ARHGAP32: variants seen among roughly 807,000 people sequenced by gnomAD.
ARHGAP32 encodes the protein rho GTPase-activating protein 32.
In ARHGAP32, 51 loss-of-function variants were observed where a neutral mutation model predicts 186.5. The observed-to-expected ratio is 0.27, with a 90% CI of 0.22 to 0.35. The LOEUF (loss-of-function observed/expected upper bound fraction) is 0.35, where lower values mean the gene tolerates loss of function less well. Ranked by LOEUF, ARHGAP32 falls within the 10% of genes least tolerant of loss-of-function variation. ARHGAP32 has a pLI of 1.00. For missense variants in ARHGAP32, 2,186 were observed against 2,623.5 expected (o/e 0.83, Z 3.64); for synonymous variants, 950 against 964.3 (o/e 0.99, Z 0.27).
At chr11:129,135,027 C>T (rs1367213858) in intron 2 of ARHGAP32, among the ~76,000 whole-genome samples, 3 of 152,150 alleles carry the variant, frequency 2.0e-5, no homozygotes, top group Non-Finnish European at 2.9e-5. Flanking sequence ...CTAAAAACTA[C>T]AAACATTGTT....
At chr11:129,164,209 A>G in intron 2 of ARHGAP32, 110 bp downstream of exon 2, 1 of 647,722 alleles carries the variant, frequency 1.5e-6, no homozygotes. Flanking sequence ...TGAATAAATG[A>G]ACAAAGCAAC....
exon 1 of ARHGAP32, chr11:129,279,294 G>C (rs1945580324): frequency 6.9e-6 from 1 of 144,192 alleles, no homozygotes. Context: ...GCGCCTGGCC[G>C]CCGAGGGCAG....
At chr11:128,998,984 CAT>C (rs920994111) in intron 11 of ARHGAP32, among the ~76,000 whole-genome samples, 16 of 152,278 alleles carry the variant, frequency 1.1e-4, no homozygotes, top group African/African-American at 3.1e-4. Flanking sequence ...GTTTGTAAAA[CAT>C]GTGTGTATGA....
At chr11:129,262,114 C>G (rs9971592) in intron 1 of ARHGAP32, among the ~76,000 whole-genome samples, 46,921 of 152,020 alleles carry the variant, frequency 0.31, 7,580 homozygotes, top group Middle Eastern at 0.4. Flanking sequence ...AAGAATAAAC[C>G]TGGCATGCCA....
intron 22 of ARHGAP32, 74 bp downstream of exon 22, chr11:128,972,379 A>C: frequency 6.9e-7 from 1 of 1,458,612 alleles, no homozygotes. Context: ...CAAAGATAAC[A>C]ACACACCCTG....
chr11:129,094,185 T>C (rs1221986037), intron 5 of ARHGAP32, among the ~76,000 whole-genome samples: 3 of 152,240 alleles, frequency 2.0e-5, no homozygotes, highest in South Asian at 2.1e-4. Flanking sequence ...AAGGTGACTA[T>C]AGTTAATAAT....
At chr11:129,006,786 C>T (rs563065369) in intron 11 of ARHGAP32, among the ~76,000 whole-genome samples, 1 of 152,306 alleles carries the variant, frequency 6.6e-6, no homozygotes, top group East Asian at 1.9e-4. Flanking sequence ...GGTGGTAAAG[C>T]CAGCCAAGCT....
chr11:129,115,251 A>G (rs796154599), intron 5 of ARHGAP32, among the ~76,000 whole-genome samples: 8 of 152,246 alleles, frequency 5.3e-5, no homozygotes, highest in African/African-American at 1.9e-4. Context: ...TACTGAGTTC[A>G]GGACGCCAAG....
chr11:128,998,081 TTG>T (rs1946251057), intron 12 of ARHGAP32, among the ~76,000 whole-genome samples: 1 of 152,168 alleles, frequency 6.6e-6, no homozygotes, highest in Non-Finnish European at 1.5e-5. Context: ...GTAATATATT[TTG>T]TGTGAATGTC....
chr11:128,981,638 C>T (rs1394198526), intron 16 of ARHGAP32, 77 bp from the exon 17 acceptor site: 1 of 1,455,076 alleles, frequency 6.9e-7, no homozygotes, highest in African/African-American at 1.4e-5. Context: ...ACGTGTAAAT[C>T]TCAGACAAAC....
chr11:129,220,641 A>T (rs1944700258), intron 1 of ARHGAP32, among the ~76,000 whole-genome samples: 1 of 152,186 alleles, frequency 6.6e-6, no homozygotes, highest in Non-Finnish European at 1.5e-5. Flanking sequence ...AACCATCTGC[A>T]TCACAATGAC....
At chr11:129,191,076 C>T (rs1219422067) in intron 1 of ARHGAP32, among the ~76,000 whole-genome samples, 1 of 152,130 alleles carries the variant, frequency 6.6e-6, no homozygotes, top group Non-Finnish European at 1.5e-5. Flanking sequence ...TTAACCTAGA[C>T]TTTAAAAAAT....
intron 11 of ARHGAP32, chr11:129,024,074 C>G: frequency 1.0e-6 from 1 of 985,522 alleles, no homozygotes; most frequent in Non-Finnish European, 1.2e-6. Flanking sequence ...GGACCCCCTG[C>G]AGCAGCAGTT....
chr11:129,166,939 C>A (rs1943652962), intron 1 of ARHGAP32, among the ~76,000 whole-genome samples: 1 of 152,016 alleles, frequency 6.6e-6, no homozygotes, highest in Admixed American at 6.6e-5. Context: ...TAGGATTTCT[C>A]TATTGGTTGA....
chr11:129,190,296 T>G (rs555381854), intron 1 of ARHGAP32, among the ~76,000 whole-genome samples: 1 of 152,288 alleles, frequency 6.6e-6, no homozygotes, highest in East Asian at 1.9e-4. Context: ...GCTGCCACAT[T>G]TCCTCATGCC....
chr11:129,104,668 TAAG>T (rs1027078495), intron 5 of ARHGAP32, among the ~76,000 whole-genome samples: 2 of 145,532 alleles, frequency 1.4e-5, no homozygotes, highest in African/African-American at 5.0e-5. Context: ...AGCAAGGAGA[TAAG>T]AAGAAAAGAA....
chr11:129,144,689 T>TAAATTGTA (rs1943132543), intron 2 of ARHGAP32, among the ~76,000 whole-genome samples: 2 of 152,068 alleles, frequency 1.3e-5, no homozygotes, highest in Admixed American at 1.3e-4. Flanking sequence ...GCCCCAAGGG[T>TAAATTGTA]AAATTGTATC....
chr11:129,214,709 G>GA (rs1944623740), intron 1 of ARHGAP32, among the ~76,000 whole-genome samples: 1 of 152,194 alleles, frequency 6.6e-6, no homozygotes, highest in African/African-American at 2.4e-5. Flanking sequence ...GGAACAATGT[G>GA]AACACAGCAT....
intron 1 of ARHGAP32, among the ~76,000 whole-genome samples, chr11:129,182,540 TCAA>T (rs1348208546): frequency 6.6e-6 from 1 of 152,110 alleles, no homozygotes; most frequent in Non-Finnish European, 1.5e-5. Context: ...GCCTCATTTC[TCAA>T]CCCTTTCCTT....
Sources: allele counts gnomAD v4.1 joint callset (sites outside exome capture counted in the v4.1 genomes callset), GRCh38; gene constraint gnomAD v4.1.1; transcripts MANE v1.5; gene names NCBI Gene and HGNC (gene_info 2026-07-23, HGNC 2026-07-21).